Variants in SSR4 observed in about 807,000 individuals in gnomAD.
SSR4 encodes translocon-associated protein subunit delta.
For missense variants in SSR4, 125 were observed against 148.8 expected (o/e 0.84, Z 0.83); for synonymous variants, 84 against 65.6 (o/e 1.28, Z -1.35).
intron 1 of SSR4, chrX:153,794,967 A>G (rs2092130550): frequency 2.2e-6 from 1 of 452,787 alleles, no homozygotes; most frequent in Non-Finnish European, 3.7e-6. Flanking sequence ...CCATACGAAG[A>G]GGAGTCCCCG....
chrX:153,796,852 T>A, intron 2 of SSR4: 3 of 298,505 alleles, frequency 1.0e-5, no homozygotes, highest in Non-Finnish European at 1.2e-5. Flanking sequence ...GGCCAGTTTG[T>A]CTGTGTGGGT....
At chrX:153,794,829 C>A in intron 1 of SSR4, 75 bp downstream of exon 1, 1 of 1,108,779 alleles carries the variant, frequency 9.0e-7, no homozygotes, top group Non-Finnish European at 1.2e-6. Context: ...AGGAGGGATG[C>A]GGGGGTCCGG....
chrX:153,794,545 CA>C (rs782489766), upstream of SSR4: 57 of 1,169,477 alleles, frequency 4.9e-5, no homozygotes, highest in African/African-American at 9.0e-4. Flanking sequence ...GGGGCCACGT[CA>C]GTGCTGCCAG....
chrX:153,796,734 G>A (rs1557072631), intron 2 of SSR4, 182 bp downstream of exon 2: 1 of 445,033 alleles, frequency 2.2e-6, no homozygotes, highest in African/African-American at 2.4e-5. Flanking sequence ...CACCTGCTTT[G>A]TGTGCTGTGC....
At chrX:153,794,181 G>A, upstream of SSR4, 2 of 1,106,221 alleles carry the variant, frequency 1.8e-6, no homozygotes, top group Non-Finnish European at 2.4e-6. Flanking sequence ...GACTGCTTCG[G>A]GTGCGGCTAC....
chrX:153,798,000 T>TGCCCCCCCCCCCCC, intron 4 of SSR4, 71 bp from the exon 5 acceptor site: 2 of 703,991 alleles, frequency 2.8e-6, no homozygotes, highest in Non-Finnish European at 4.5e-6. Flanking sequence ...TACCTGTCTT[T>TGCCCCCCCCCCCCC]CCCCTCCCCT....
At chrX:153,796,586 T>G in intron 2 of SSR4, 34 bp downstream of exon 2, 11 of 948,810 alleles carry the variant, frequency 1.2e-5, no homozygotes, top group East Asian at 3.1e-5. Flanking sequence ...GGAGGGCGGG[T>G]GGGGGGTGCT....
At position 153,798,418 on chromosome X, in the gene SSR4, C is replaced by T; in HGVS notation, c.507C>T (p.Ser169=). Residue 169 remains serine (S), a synonymous_variant, in exon 6 of 6, where the codon AGC becomes AGT. Coordinates refer to ENST00000370086, the MANE Select transcript of SSR4 (RefSeq NM_006280.3). ...ACTACTTGGCCTTCAGTGCGAAGAG[C>T]CACATCCAGGCCTGAGGGCGGCACC... ...VIYYLAFSAK[S]HIQA is the part of the protein sequence containing the mutation. The T allele has an allele frequency of 8.4e-7, 1 of 1,190,268 alleles. No individual in the cohort carries two copies. The highest frequency in any genetic ancestry group is 1.1e-6 in the Non-Finnish European group (1 of 884,618).
At chrX:153,795,945 C>T in intron 1 of SSR4, 4 of 583,187 alleles carry the variant, frequency 6.9e-6, no homozygotes, top group Non-Finnish European at 8.3e-6. Flanking sequence ...TGGGGCCAGT[C>T]TTCACCTTCT....
chrX:153,796,362 C>A, intron 1 of SSR4, 72 bp from the exon 2 acceptor site: 1 of 758,841 alleles, frequency 1.3e-6, no homozygotes, highest in Non-Finnish European at 2.0e-6. Context: ...TGAGGCAGGG[C>A]CGGGCCATCC....
Position 153,794,769 on chromosome X carries a change from G to A in SSR4, c.67+15G>A. The A allele has an allele frequency of 8.3e-7, 1 of 1,207,438 alleles. No individual in the cohort carries two copies. The highest frequency in any genetic ancestry group is 1.1e-6 in the Non-Finnish European group (1 of 892,920). On this transcript the variant is annotated intron_variant, in intron 1 of 5. Transcript: ENST00000370086. Reference sequence around the variant, plus strand: ...CCGCTGCTCAGGTAGCGGCCCAGCCGGGGCTTCTTTCTTGCGAGCCTCTGA... The same window carrying A: ...CCGCTGCTCAGGTAGCGGCCCAGCCAGGGCTTCTTTCTTGCGAGCCTCTGA...
upstream of SSR4, chrX:153,794,403 C>T: frequency 8.8e-7 from 1 of 1,142,027 alleles, no homozygotes; most frequent in East Asian, 3.3e-5. Flanking sequence ...TGCGAAGTTT[C>T]GGGGACAGGC....
upstream of SSR4, chrX:153,794,350 C>T: frequency 1.7e-6 from 2 of 1,182,543 alleles, no homozygotes; most frequent in Non-Finnish European, 2.3e-6. Flanking sequence ...AGCCTCCGCA[C>T]GTCCCGACAC....
rs1004370317 is a variant in SSR4 at position 153,797,518 on chromosome X, G to T, written c.247G>T (p.Val83Leu). ...ATTCCCTGTCACTCGAGGCCAGGAT[G>T]TGGGGCGTTATCAGGTGAGGGGCCA... is the stretch of plus-strand genomic sequence containing the variant. Reference protein sequence around the residue: ...KQFPVTRGQDVGRYQVSWSLD... With the variant: ...KQFPVTRGQDLGRYQVSWSLD... Residue 83 changes from valine (V) to leucine (L), a missense_variant, in exon 3 of 6, where the codon GTG (valine) becomes TTG (leucine). Coordinates refer to ENST00000370086, the MANE Select transcript of SSR4 (RefSeq NM_006280.3). 6 of 1,211,206 alleles carry T rather than the reference G, an allele frequency of 5.0e-6. No individual in the cohort carries two copies. Among genetic ancestry groups the T allele is most frequent in the Non-Finnish European group, 6.7e-6 (6 of 894,673 alleles).
intron 5 of SSR4, 84 bp downstream of exon 5, chrX:153,798,220 G>A: frequency 8.6e-7 from 1 of 1,168,822 alleles, no homozygotes; most frequent in Non-Finnish European, 1.2e-6. Flanking sequence ...TCTGCTGCTG[G>A]GCCGTGATTG....
At position 153,797,296 on chromosome X, in the gene SSR4, C is replaced by G. The variant is rs1445595306; in HGVS notation, c.187-162C>G. Reference sequence around the variant, plus strand: ...GGGAAGACCAATGCAGAGGGCCAGTCACGGGATTGGTGAGTGTTACTTGGT... The same window carrying G: ...GGGAAGACCAATGCAGAGGGCCAGTGACGGGATTGGTGAGTGTTACTTGGT... On this transcript the variant is annotated intron_variant, in intron 2 of 5. Transcript: ENST00000370086. 3.6e-5 allele frequency: 17 copies of G among 470,900 alleles called. No homozygotes were observed. In the South Asian group the frequency reaches 4.9e-4, roughly 14 times the overall value. The allele number at this position is 470,900 out of a possible 1,213,427, so 38.8% of individuals were successfully genotyped here.
chrX:153,796,016 C>T (rs2092138451), intron 1 of SSR4: 2 of 206,902 alleles, frequency 9.7e-6, no homozygotes, highest in Admixed American at 8.0e-5. Context: ...GCATTGCCTG[C>T]CTGCAGCCCC....
chrX:153,795,634 C>A, intron 1 of SSR4: 1 of 752,521 alleles, frequency 1.3e-6, no homozygotes. Context: ...GGATCTAGCC[C>A]CTGAGAACTG....
intron 3 of SSR4, 31 bp from the exon 4 acceptor site, chrX:153,797,687 GTCCACTC>G (rs2092150121): frequency 8.5e-7 from 1 of 1,182,124 alleles, no homozygotes; most frequent in African/African-American, 1.8e-5. Flanking sequence ...GCCCCTCCGT[GTCCACTC>G]TGCCCACACT....
Sources: allele counts gnomAD v4.1 joint callset, GRCh38; gene constraint gnomAD v4.1.1; transcripts MANE v1.5; gene names NCBI Gene and HGNC (gene_info 2026-07-23, HGNC 2026-07-21).